Variants in ADAMTS17 observed in about 807,000 individuals in gnomAD.
The protein encoded by ADAMTS17 is A disintegrin and metalloproteinase with thrombospondin motifs 17.
A neutral mutation model predicts 141.5 loss-of-function variants in ADAMTS17; 113 were observed. The ratio of observed to expected loss-of-function variants is 0.80; its 90% CI spans 0.69 to 0.93. The LOEUF is 0.93. ADAMTS17 is among the 40% of genes least tolerant of loss of function. ADAMTS17 has a pLI of 0.00. For missense variants in ADAMTS17, 1,659 were observed against 1,517.9 expected (o/e 1.09, Z -1.54); for synonymous variants, 768 against 630.6 (o/e 1.22, Z -3.27).
intron 7 of ADAMTS17, among the ~76,000 whole-genome samples, chr15:100,216,769 C>T (rs143776635): frequency 6.6e-6 from 1 of 152,196 alleles, no homozygotes; most frequent in East Asian, 1.9e-4. Context: ...AACAATTCAC[C>T]CCTGCTCATC....
At chr15:100,218,823 C>T (rs562928313) in intron 7 of ADAMTS17, among the ~76,000 whole-genome samples, 1 of 152,096 alleles carries the variant, frequency 6.6e-6, no homozygotes, top group Non-Finnish European at 1.5e-5. Flanking sequence ...GGGAAGAACT[C>T]AAATACGCAT....
intron 18 of ADAMTS17, among the ~76,000 whole-genome samples, chr15:100,027,037 G>A (rs900661227): frequency 2.9e-4 from 44 of 152,192 alleles, no homozygotes; most frequent in African/African-American, 1.0e-3. Flanking sequence ...GTGTACAAGT[G>A]GAGAATACAG....
At chr15:100,137,805 C>T (rs569719088) in intron 10 of ADAMTS17, among the ~76,000 whole-genome samples, 1 of 152,220 alleles carries the variant, frequency 6.6e-6, no homozygotes, top group African/African-American at 2.4e-5. Context: ...ACACCAACAC[C>T]CACCCTTTCA....
intron 8 of ADAMTS17, among the ~76,000 whole-genome samples, chr15:100,172,724 C>T (rs1596183059): frequency 6.6e-6 from 1 of 152,238 alleles, no homozygotes; most frequent in Non-Finnish European, 1.5e-5. Flanking sequence ...GGGAACAACA[C>T]AGCAGTAGGG....
At chr15:100,115,043 C>T (rs2037025973) in intron 13 of ADAMTS17, among the ~76,000 whole-genome samples, 1 of 152,168 alleles carries the variant, frequency 6.6e-6, no homozygotes, top group Admixed American at 6.5e-5. Flanking sequence ...GAGTCTGTCC[C>T]AGACCTGACC....
At chr15:100,055,560 C>T (rs1003622639) in intron 15 of ADAMTS17, among the ~76,000 whole-genome samples, 11 of 152,232 alleles carry the variant, frequency 7.2e-5, no homozygotes, top group Middle Eastern at 3.4e-3. Flanking sequence ...AGTGGGGTCT[C>T]GTATCCAGGG....
At chr15:100,258,546 A>G (rs4349129) in intron 6 of ADAMTS17, among the ~76,000 whole-genome samples, 37,680 of 152,122 alleles carry the variant, frequency 0.25, 6,359 homozygotes, top group African/African-American at 0.48. Flanking sequence ...CTCACATGGC[A>G]GCAGGCAGGG....
chr15:99,992,766 G>A (rs564094100), intron 20 of ADAMTS17, among the ~76,000 whole-genome samples: 3 of 152,332 alleles, frequency 2.0e-5, no homozygotes, highest in South Asian at 2.1e-4. Context: ...CAGGGCACCC[G>A]CGTCCTGCCT....
chr15:100,064,351 A>C (rs1023952883), intron 15 of ADAMTS17, among the ~76,000 whole-genome samples: 1 of 152,152 alleles, frequency 6.6e-6, no homozygotes, highest in Non-Finnish European at 1.5e-5. Flanking sequence ...AAAGACAGTA[A>C]GTTTCTGGTG....
chr15:100,199,928 A>G (rs765788949), intron 7 of ADAMTS17, among the ~76,000 whole-genome samples: 18 of 152,202 alleles, frequency 1.2e-4, no homozygotes, highest in Non-Finnish European at 2.2e-4. Flanking sequence ...CCTCCTCACA[A>G]TGCGCATCCC....
chr15:100,171,930 C>T (rs1422352560), intron 8 of ADAMTS17, among the ~76,000 whole-genome samples: 2 of 152,168 alleles, frequency 1.3e-5, no homozygotes, highest in East Asian at 3.8e-4. Flanking sequence ...TGCCTGAGAG[C>T]ACCCAGTCAG....
intron 7 of ADAMTS17, among the ~76,000 whole-genome samples, chr15:100,240,940 C>T (rs1055586227): frequency 3.9e-5 from 6 of 152,182 alleles, no homozygotes; most frequent in Non-Finnish European, 8.8e-5. Context: ...ATTCTCCTGC[C>T]TCAACCTCCT....
At chr15:100,071,243 ATAAT>A (rs1396669650) in intron 15 of ADAMTS17, among the ~76,000 whole-genome samples, 2 of 150,282 alleles carry the variant, frequency 1.3e-5, no homozygotes, top group African/African-American at 4.9e-5. Flanking sequence ...AATTGAGGCA[ATAAT>A]TAATAGCTTA....
At chr15:100,157,884 T>C (rs990211708) in intron 8 of ADAMTS17, among the ~76,000 whole-genome samples, 14 of 148,252 alleles carry the variant, frequency 9.4e-5, no homozygotes, top group African/African-American at 3.4e-4. Flanking sequence ...AGTTTAGCTA[T>C]ATTCTTTTTT....
intron 15 of ADAMTS17, among the ~76,000 whole-genome samples, chr15:100,068,465 C>A (rs2033717855): frequency 6.6e-6 from 1 of 152,232 alleles, no homozygotes; most frequent in African/African-American, 2.4e-5. Context: ...TCAAGTGGGT[C>A]CCTGACCCCT....
At position 100,030,533 on chromosome 15, in the gene ADAMTS17, G is replaced by A. The variant is rs75454224; in HGVS notation, c.2591+18324C>T. ...ACATCTGTGAAATCTCTAGTCACGCGCTGAGCCTGAAATCCAATCTTCGGG... is the reference window on the plus strand; with the variant it reads ...ACATCTGTGAAATCTCTAGTCACGCACTGAGCCTGAAATCCAATCTTCGGG... On this transcript the variant is annotated intron_variant, in intron 18 of 21. Transcript: ENST00000268070. Among the ~76,000 whole-genome samples, 1,143 of 152,226 alleles carry A rather than the reference G, an allele frequency of 7.5e-3. 15 individuals carry two copies. Among genetic ancestry groups the A allele is most frequent in the African/African-American group, 0.026 (1,082 of 41,530 alleles).
intron 3 of ADAMTS17, among the ~76,000 whole-genome samples, chr15:100,319,582 G>A (rs758820668): frequency 7.2e-5 from 11 of 152,152 alleles, no homozygotes; most frequent in Non-Finnish European, 1.0e-4. Context: ...ATGGTGGCAC[G>A]CACCTGTAGT....
intron 16 of ADAMTS17, among the ~76,000 whole-genome samples, chr15:100,052,682 C>T (rs578051092): frequency 6.6e-6 from 1 of 152,336 alleles, no homozygotes; most frequent in Non-Finnish European, 1.5e-5. Flanking sequence ...CTGCTTTTAA[C>T]TCAGAATAGG....
chr15:100,151,285 G>C (rs781102268), intron 10 of ADAMTS17, among the ~76,000 whole-genome samples: 1 of 152,332 alleles, frequency 6.6e-6, no homozygotes, highest in Middle Eastern at 3.4e-3. Flanking sequence ...ACAGCCAGTA[G>C]GAGACAACAG....
Sources: allele counts gnomAD v4.1 joint callset (sites outside exome capture counted in the v4.1 genomes callset), GRCh38; gene constraint gnomAD v4.1.1; transcripts MANE v1.5; gene names NCBI Gene and HGNC (gene_info 2026-07-23, HGNC 2026-07-21).